CTDP1: variants seen among roughly 807,000 people sequenced by gnomAD.
CTDP1 encodes the protein CTD phosphatase 1.
Under a neutral mutation model 91.8 loss-of-function variants are expected in CTDP1, and 47 were observed. That is an observed-to-expected ratio of 0.51 (90% CI 0.41 to 0.65). The LOEUF (loss-of-function observed/expected upper bound fraction) is 0.65. Among genes scored for constraint, CTDP1 ranks in the 30% least tolerant of loss-of-function variants. The pLI, the probability that CTDP1 is intolerant of heterozygous loss-of-function variation, is 0.00. For missense variants in CTDP1, 1,272 were observed against 1,373.7 expected (o/e 0.93, Z 1.17); for synonymous variants, 656 against 598.5 (o/e 1.10, Z -1.40).
At chr18:79,724,524 C>T (rs535867744) in intron 10 of CTDP1, among the ~76,000 whole-genome samples, 1 of 152,264 alleles carries the variant, frequency 6.6e-6, no homozygotes, top group Non-Finnish European at 1.5e-5. Flanking sequence ...GTGGCTGTAA[C>T]CTGCATTTCC....
chr18:79,689,607 G>A lies in CTDP1; in HGVS notation c.315-5618G>A, dbSNP rs1343999918. ...TCGAGACCAGCCTGGCCAATATGGT[G>A]AAACCCCATCTCTACTAAAAATACA... On this transcript the variant is annotated intron_variant, in intron 1 of 12. Transcript: ENST00000613122. Among the ~76,000 whole-genome samples the A allele has an allele frequency of 3.3e-5, 5 of 152,264 alleles. No homozygotes were observed. In the East Asian group the frequency reaches 9.7e-4, roughly 29 times the overall value.
Position 79,708,497 on chromosome 18 carries a change from G to A in CTDP1, c.773-1849G>A, listed in dbSNP as rs11081556. On this transcript the variant is annotated intron_variant, in intron 5 of 12. Coordinates refer to ENST00000613122, the MANE Select transcript of CTDP1 (RefSeq NM_004715.5). ...TGGACCCCGTGTGCCACGTGGGGAC[G>A]TGGAGCCAGGCGTTCCGGGGTGCAT... 7.6e-3 allele frequency among the ~76,000 whole-genome samples: 1,154 copies of A among 152,310 alleles called. 14 individuals are homozygous for A. Among genetic ancestry groups the A allele is most frequent in the African/African-American group, 0.026 (1,099 of 41,556 alleles).
chr18:79,748,881 CGTGT>C (rs2086935866), intron 12 of CTDP1, among the ~76,000 whole-genome samples: 1 of 78,598 alleles, frequency 1.3e-5, no homozygotes, highest in Non-Finnish European at 3.6e-5. Flanking sequence ...GTGTGTTTGC[CGTGT>C]CTGTGTGTTT....
At chr18:79,693,034 G>A (rs928992537) in intron 1 of CTDP1, among the ~76,000 whole-genome samples, 4 of 152,196 alleles carry the variant, frequency 2.6e-5, no homozygotes, top group African/African-American at 7.2e-5. Flanking sequence ...CAGCTCAGCC[G>A]GGGAGTTGGG....
intron 1 of CTDP1, among the ~76,000 whole-genome samples, chr18:79,694,934 G>C (rs574051981): frequency 1.3e-5 from 2 of 152,278 alleles, no homozygotes; most frequent in South Asian, 4.1e-4. Flanking sequence ...TTATCCCCAA[G>C]TCTCCTCTTT....
Position 79,679,926 on chromosome 18 carries a change from GC to G in CTDP1, c.-19del. 2 of 1,370,336 alleles carry G rather than the reference GC, an allele frequency of 1.5e-6. No homozygotes were observed. Among genetic ancestry groups the G allele is most frequent in the Non-Finnish European group, 9.5e-7 (1 of 1,056,718 alleles). 84.9% of individuals were successfully genotyped at this position (1,370,336 alleles called of 1,614,324 possible). ...GCGCAGCGCAGGCCCCGTACCGACCGCCCGCCCGCCCTCTGTCCGCGATGGA... is the reference window on the plus strand; with the variant it reads ...GCGCAGCGCAGGCCCCGTACCGACCGCCGCCCGCCCTCTGTCCGCGATGGA... On this transcript the variant is annotated 5_prime_UTR_variant, in exon 1 of 13. Coordinates refer to ENST00000613122, the MANE Select transcript of CTDP1 (RefSeq NM_004715.5).
intron 1 of CTDP1, among the ~76,000 whole-genome samples, chr18:79,682,772 G>T (rs1039838744): frequency 6.6e-6 from 1 of 152,152 alleles, no homozygotes; most frequent in South Asian, 2.1e-4. Context: ...CCCGTCCCCC[G>T]TGAGAATGAG....
chr18:79,713,892 ACGG>A lies in CTDP1; in HGVS notation c.1031-598_1031-596del, dbSNP rs1271396182. ...GCCAGGTCTGCAGGGGCTTACGGCC[ACGG>A]TGGCGCCAGGTCTGCAGGGGCTTAC... On this transcript the variant is annotated intron_variant, in intron 7 of 12. Coordinates refer to ENST00000613122, the MANE Select transcript of CTDP1 (RefSeq NM_004715.5). The surrounding 1 kb of genome is among the most constrained non-coding windows in gnomAD (Gnocchi z 4.7). Among the ~76,000 whole-genome samples, 1 of 149,456 alleles carries A rather than the reference ACGG, an allele frequency of 6.7e-6. No homozygotes were observed. The highest frequency in any genetic ancestry group is 2.5e-5 in the African/African-American group (1 of 40,494).
chr18:79,713,927 G>A lies in CTDP1; in HGVS notation c.1031-564G>A, dbSNP rs1179819522. Among the ~76,000 whole-genome samples, 5 of 146,052 alleles carry A rather than the reference G, an allele frequency of 3.4e-5. No homozygotes were observed. Among genetic ancestry groups the A allele is most frequent in the African/African-American group, 7.6e-5 (3 of 39,714 alleles). ...CAGGTCTGCAGGGGCTTACGGCCAC[G>A]GTGGCGCCAGGTCTGCAGGGGCTTA... On this transcript the variant is annotated intron_variant, in intron 7 of 12. Transcript: ENST00000613122. This position sits in a 1 kb window ranked among gnomAD's most constrained non-coding sequence, Gnocchi z 4.7.
intron 10 of CTDP1, among the ~76,000 whole-genome samples, chr18:79,725,743 G>A (rs686433): frequency 0.68 from 103,573 of 151,584 alleles, 36,172 homozygotes; most frequent in Middle Eastern, 0.75. Context: ...ATGCTCTCGG[G>A]GCAGGCCTGG....
At chr18:79,735,114 C>T (rs1175234033) in intron 11 of CTDP1, among the ~76,000 whole-genome samples, 2 of 151,976 alleles carry the variant, frequency 1.3e-5, no homozygotes, top group African/African-American at 2.4e-5. Context: ...CTGATCGAAG[C>T]GGCTTCACAC....
rs1568192937 is a variant in CTDP1 at position 79,713,146 on chromosome 18, ACCT to A, written c.1030+12_1030+14del. 1.2e-6 allele frequency: 2 copies of A among 1,612,980 alleles called. No homozygotes were observed. Among genetic ancestry groups the A allele is most frequent in the African/African-American group, 1.3e-5 (1 of 74,868 alleles). On this transcript the variant is annotated intron_variant, in intron 7 of 12. Coordinates refer to ENST00000613122, the MANE Select transcript of CTDP1 (RefSeq NM_004715.5). This position sits in a 1 kb window ranked among gnomAD's most constrained non-coding sequence, Gnocchi z 4.7. ...CTCAGACGAGAAAGAAAGGTGGGTA[ACCT>A]CCTTCCTGATTCTCTAGAAGAATTC...
chr18:79,721,201 G>A (rs1401752608), intron 10 of CTDP1, among the ~76,000 whole-genome samples: 1 of 152,220 alleles, frequency 6.6e-6, no homozygotes, highest in Non-Finnish European at 1.5e-5. Context: ...CAGGGACTGG[G>A]AACAGGTCTC....
rs553909448 is a variant in CTDP1, at chr18:79,716,898, C to T, written c.2069-637C>T. ...CCCGGCTCCCCGTCTGAGATCCACCCCTTCCCACCATGGCTGCCTATCCCT... is the reference window on the plus strand; with the variant it reads ...CCCGGCTCCCCGTCTGAGATCCACCTCTTCCCACCATGGCTGCCTATCCCT... On this transcript the variant is annotated intron_variant, in intron 8 of 12. Coordinates refer to ENST00000613122, the MANE Select transcript of CTDP1 (RefSeq NM_004715.5). Among the ~76,000 whole-genome samples, 3 of 152,410 alleles carry T rather than the reference C, an allele frequency of 2.0e-5. No homozygotes were observed. The South Asian group carries it at 6.2e-4, about 32-fold the overall frequency.
At chr18:79,731,745 C>T (rs1021142749) in intron 11 of CTDP1, among the ~76,000 whole-genome samples, 1 of 152,208 alleles carries the variant, frequency 6.6e-6, no homozygotes, top group African/African-American at 2.4e-5. Flanking sequence ...TTATCTTAAC[C>T]ATTTTTAAAT....
chr18:79,712,804 T>C (rs1348223608), intron 6 of CTDP1, among the ~76,000 whole-genome samples, 168 bp from the exon 7 acceptor site: 4 of 152,220 alleles, frequency 2.6e-5, no homozygotes, highest in Non-Finnish European at 5.9e-5. Flanking sequence ...TACTGAGGTT[T>C]AAATGCGACC....
intron 5 of CTDP1, among the ~76,000 whole-genome samples, chr18:79,705,357 C>A (rs980337276): frequency 1.3e-5 from 2 of 152,184 alleles, no homozygotes; most frequent in Admixed American, 1.3e-4. Flanking sequence ...TGGGTGATAG[C>A]GTGAATGCCA....
chr18:79,694,863 A>G (rs952189903), intron 1 of CTDP1, among the ~76,000 whole-genome samples: 2 of 152,232 alleles, frequency 1.3e-5, no homozygotes, highest in Non-Finnish European at 2.9e-5. Flanking sequence ...GATTTTATAA[A>G]TTCTCTAACG....
chr18:79,744,395 T>G (rs1389560095), intron 12 of CTDP1, among the ~76,000 whole-genome samples: 2 of 152,272 alleles, frequency 1.3e-5, no homozygotes, highest in East Asian at 3.9e-4. Context: ...TAGACAGTAT[T>G]CACTTAATGC....
Sources: gnomAD v4.1 joint callset for allele counts (sites outside exome capture counted in the v4.1 genomes callset) on GRCh38, gnomAD v4.1.1 for gene constraint, Gnocchi (gnomAD v3.1) non-coding constraint, MANE v1.5 for transcripts, NCBI Gene and HGNC (gene_info 2026-07-23, HGNC 2026-07-21) for gene names.